The following ASGR1 variants were observed in gnomAD, a reference collection of about 807,000 sequenced individuals.
ASGR1 encodes C-type lectin domain family 4 member H1.
ASGR1 carries 35 observed loss-of-function variants against 33.1 expected under a neutral mutation model. The ratio of observed to expected loss-of-function variants is 1.06; its 90% CI spans 0.81 to 1.40. ASGR1 has a LOEUF of 1.40. Among genes scored for constraint, ASGR1 ranks in the 40% most tolerant of loss-of-function variants. ASGR1 has a pLI of 0.00. For missense variants in ASGR1, 396 were observed against 373.7 expected, an observed-to-expected ratio of 1.06 and a Z score of -0.49; for synonymous variants, 142 against 152.5, an observed-to-expected ratio of 0.93 and a Z score of 0.51.
rs2069219501 is a variant in ASGR1, at chr17:7,176,734, A to C, written c.355+96T>G. ...CACACACACACTCCCTCTCATTCTC[A>C]CACACATCCACACACACTCACACTT... On this transcript the variant is annotated intron_variant, in intron 5 of 8. Transcript: ENST00000269299. 9.2e-6 allele frequency: 14 copies of C among 1,526,000 alleles called. No homozygotes were observed. In the Admixed American group the frequency reaches 1.4e-4, roughly 15 times the overall value. 94.5% of individuals were successfully genotyped at this position (1,526,000 alleles called of 1,614,324 possible).
Position 7,176,855 on chromosome 17 carries a change from C to T in ASGR1, c.330G>A (p.Glu110=), listed in dbSNP as rs1167931202. ...CTTCACTCAGGTCCTTCTGCTGTTTCTCCAGCTGGGACTCTAGCGACTTCA... is the reference window on the plus strand; with the variant it reads ...CTTCACTCAGGTCCTTCTGCTGTTTTTCCAGCTGGGACTCTAGCGACTTCA... ...RKMKSLESQL[E]KQQKDLSEDH... The change falls in exon 5 of 9, where the codon GAG becomes GAA. Residue 110 remains glutamate (E), a synonymous_variant. Transcript: ENST00000269299. 2 of 1,613,134 alleles carry T rather than the reference C, an allele frequency of 1.2e-6. No homozygotes were observed. Among genetic ancestry groups the T allele is most frequent in the Non-Finnish European group, 1.7e-6 (2 of 1,179,974 alleles).
chr17:7,176,799 C>CACACACACAT (rs767923885), intron 5 of ASGR1, 31 bp downstream of exon 5: 162 of 1,587,192 alleles, frequency 1.0e-4, no homozygotes, highest in Admixed American at 2.4e-4. Context: ...CTTTCACACA[C>CACACACACAT]ACACACACAC....
intron 5 of ASGR1, chr17:7,176,520 C>A: frequency 2.3e-6 from 1 of 443,098 alleles, no homozygotes; most frequent in Non-Finnish European, 3.9e-6. Flanking sequence ...CACACCCCCT[C>A]TCATTCCCAC....
At chr17:7,178,376 G>C (rs1252759304) in intron 2 of ASGR1, 118 bp downstream of exon 2, 14 of 1,069,740 alleles carry the variant, frequency 1.3e-5, no homozygotes, top group Non-Finnish European at 1.7e-5. Flanking sequence ...CCAGTGTTGG[G>C]GGAGGGAGAC....
chr17:7,174,353 G>A (rs368755766), intron 6 of ASGR1, 21 bp downstream of exon 6: 3 of 1,613,904 alleles, frequency 1.9e-6, no homozygotes, highest in Non-Finnish European at 2.5e-6. Context: ...GGCAGAGAGC[G>A]GGCCGGGCTG....
intron 5 of ASGR1, among the ~76,000 whole-genome samples, chr17:7,175,828 GAC>G (rs200876167): frequency 0.012 from 1,576 of 132,728 alleles, 23 homozygotes; most frequent in African/African-American, 0.042. Context: ...CACACACTCA[GAC>G]ACACACACCC....
Position 7,174,528 on chromosome 17 carries a change from G to C in ASGR1, c.356-68C>G, listed in dbSNP as rs576320633. On this transcript the variant is annotated intron_variant, in intron 5 of 8. Transcript: ENST00000269299. ...CCACGGGGAGGGAAACGGGAAACGA[G>C]GTCAGCCCTACATCCTCCTGCTGGG... The C allele has an allele frequency of 5.8e-5, 88 of 1,516,512 alleles. No individual in the cohort carries two copies. In the African/African-American group the frequency reaches 9.3e-4, roughly 16 times the overall value. 93.9% of individuals were successfully genotyped at this position (1,516,512 alleles called of 1,614,324 possible).
chr17:7,177,179 G>A (rs761940338), intron 3 of ASGR1, 31 bp downstream of exon 3: 2 of 1,612,018 alleles, frequency 1.2e-6, no homozygotes, highest in Admixed American at 1.7e-5. Context: ...ACCCCCCAAT[G>A]TTGCCCCCTT....
chr17:7,175,869 T>TCC (rs1555597552), intron 5 of ASGR1, among the ~76,000 whole-genome samples: 3 of 134,310 alleles, frequency 2.2e-5, no homozygotes, highest in African/African-American at 8.0e-5. Context: ...CTCCCACTCC[T>TCC]CACACACAGT....
At chr17:7,175,666 AAC>A (rs1018966853) in intron 5 of ASGR1, among the ~76,000 whole-genome samples, 23 of 148,814 alleles carry the variant, frequency 1.5e-4, no homozygotes, top group South Asian at 6.4e-4. Context: ...CACACACATA[AAC>A]ACAGACTCAC....
At position 7,173,683 on chromosome 17, in the gene ASGR1, G is replaced by A; in HGVS notation, c.852C>T (p.Ala284=). The change falls in exon 9 of 9, where the codon GCC becomes GCT. Residue 284 remains alanine, a synonymous_variant. Coordinates refer to ENST00000269299, the MANE Select transcript of ASGR1 (RefSeq NM_001671.5). The surrounding 1 kb of genome is among the most constrained non-coding windows in gnomAD (Gnocchi z 4.7). ...ATTAAAGGAGAGGTGGCTCCTGGCT[G>A]GCCTTGTCCAGCTCTGTCTCGCAGA... ...RWVCETELDK[A]SQEPPLL The A allele has an allele frequency of 6.2e-7, 1 of 1,613,756 alleles. No individual in the cohort carries two copies. The highest frequency in any genetic ancestry group is 1.7e-5 in the Admixed American group (1 of 60,032).
intron 6 of ASGR1, 34 bp from the exon 7 acceptor site, chr17:7,174,323 G>A (rs117542665): frequency 0.021 from 33,828 of 1,613,628 alleles, 438 homozygotes; most frequent in Non-Finnish European, 0.025. Flanking sequence ...GGGGCTAAGC[G>A]CTGCCCAGAG....
At position 7,177,261 on chromosome 17, in the gene ASGR1, G is replaced by A; in HGVS notation, c.136C>T (p.Leu46=). ...ACAAGCAGCAGGAGGCTGAGGCCCA[G>A]GGAGAGCAGGAGGAGGCGAGGTCCG... The part of the protein sequence containing the change: ...CSGPRLLLLS[L]GLSLLLLVVV... Residue 46 remains leucine, a synonymous_variant, in exon 3 of 9, where the codon CTG becomes TTG. Transcript: ENST00000269299. The A allele has an allele frequency of 6.2e-7, 1 of 1,613,778 alleles. No homozygotes were observed. Among genetic ancestry groups the A allele is most frequent in the Non-Finnish European group, 8.5e-7 (1 of 1,179,978 alleles).
intron 5 of ASGR1, among the ~76,000 whole-genome samples, chr17:7,175,957 CACACAT>C (rs2069196960): frequency 6.7e-6 from 1 of 149,234 alleles, no homozygotes. Flanking sequence ...CACACACTAA[CACACAT>C]ACACACGTTC....
In ASGR1 at chr17:7,174,402, G is replaced by A; in HGVS notation, c.414C>T (p.Ser138=). The A allele has an allele frequency of 6.2e-7, 1 of 1,613,954 alleles. No homozygotes were observed. The highest frequency in any genetic ancestry group is 1.3e-5 in the African/African-American group (1 of 75,034). The part of the protein sequence containing the change: ...KQFVSDLRSL[S]CQMAALQGNG... ...TGCCCTGGAGCGCCGCCATCTGACA[G>A]CTCAGGCTCCGCAGGTCAGACACGA... is the stretch of plus-strand genomic sequence containing the variant. Residue 138 remains serine, a synonymous_variant, in exon 6 of 9, where the codon AGC becomes AGT. Coordinates refer to ENST00000269299, the MANE Select transcript of ASGR1 (RefSeq NM_001671.5).
intron 5 of ASGR1, among the ~76,000 whole-genome samples, 192 bp from the exon 6 acceptor site, chr17:7,174,652 T>TAACCCACA (rs1250316617): frequency 6.8e-6 from 1 of 146,452 alleles, no homozygotes; most frequent in Non-Finnish European, 1.5e-5. Context: ...CAACACACCC[T>TAACCCACA]TACACACACA....
intron 2 of ASGR1, chr17:7,178,280 G>A: frequency 1.7e-6 from 1 of 576,070 alleles, no homozygotes; most frequent in Non-Finnish European, 3.1e-6. Context: ...GGAGGCACAG[G>A]AAAGCTTTGG....
At position 7,178,899 on chromosome 17, in the gene ASGR1, G is replaced by C. The variant is rs575727725; in HGVS notation, c.-26+291C>G. Reference sequence around the variant, plus strand: ...CAACAGGTGCACGCCACCACGCCTGGCTACTTTTTTGTATTTTAGTAGAGA... The same window carrying C: ...CAACAGGTGCACGCCACCACGCCTGCCTACTTTTTTGTATTTTAGTAGAGA... On this transcript the variant is annotated intron_variant, in intron 1 of 8. Transcript: ENST00000269299. The C allele has an allele frequency of 8.9e-5, 18 of 202,614 alleles. 1 individual carries two copies. In the East Asian group the frequency reaches 2.2e-3, roughly 25 times the overall value. The allele number at this position is 202,614 out of a possible 1,614,324, so 12.6% of individuals were successfully genotyped here. A position where few individuals can be genotyped will look rare whatever the true frequency, so the allele number is the denominator to read the frequency against.
intron 5 of ASGR1, among the ~76,000 whole-genome samples, chr17:7,176,456 C>G (rs1423169371): frequency 2.6e-5 from 4 of 151,058 alleles, no homozygotes; most frequent in Non-Finnish European, 4.4e-5. Context: ...CACACTCCCT[C>G]TCATTCCCAC....
Sources: gnomAD v4.1 joint callset for allele counts (sites outside exome capture counted in the v4.1 genomes callset) on GRCh38, gnomAD v4.1.1 for gene constraint, Gnocchi (gnomAD v3.1) non-coding constraint, MANE v1.5 for transcripts, NCBI Gene and HGNC (gene_info 2026-07-23, HGNC 2026-07-21) for gene names.